DSG2: variants seen among roughly 807,000 people sequenced by gnomAD.
DSG2 encodes desmoglein-2.
DSG2 carries 45 observed loss-of-function variants against 75.6 expected under a neutral mutation model. That is an observed-to-expected ratio of 0.60 (90% CI 0.47 to 0.76). The LOEUF (loss-of-function observed/expected upper bound fraction) is 0.76. Ranked by LOEUF, DSG2 falls within the 30% of genes least tolerant of loss-of-function variation. DSG2 has a pLI of 0.00. For missense variants in DSG2, 1,267 were observed against 1,357.4 expected, an observed-to-expected ratio of 0.93 and a Z score of 1.05; for synonymous variants, 429 against 483.9, an observed-to-expected ratio of 0.89 and a Z score of 1.49.
Position 31,546,376 on chromosome 18 carries a change from G to A in DSG2, c.2990G>A (p.Gly997Asp), listed in dbSNP as rs1245395139. The A allele has an allele frequency of 6.2e-7, 1 of 1,614,096 alleles. No homozygotes were observed. The highest frequency in any genetic ancestry group is 1.7e-5 in the Admixed American group (1 of 60,014). ...GAAAGAGTAATACAGCCTCATGGGGGTGGATCGAATCCTCTGGAAGGCACT... is the reference window on the plus strand; with the variant it reads ...GAAAGAGTAATACAGCCTCATGGGGATGGATCGAATCCTCTGGAAGGCACT... ...VTERVIQPHG[G>D]GSNPLEGTQH... The change falls in exon 15 of 15, where the codon GGT becomes GAT. Residue 997 changes from glycine (G) to aspartate (D), a missense_variant. Physicochemically the swap from Gly to Asp is moderately conservative, Grantham distance 94. Coordinates refer to ENST00000261590, the MANE Select transcript of DSG2 (RefSeq NM_001943.5).
At chr18:31,507,071 T>A (rs936101231) in intron 1 of DSG2, among the ~76,000 whole-genome samples, 3 of 152,146 alleles carry the variant, frequency 2.0e-5, no homozygotes, top group Non-Finnish European at 4.4e-5. Flanking sequence ...GTACTATCCC[T>A]CCCCTACCCC....
At chr18:31,527,305 G>C (rs1230734685) in intron 8 of DSG2, among the ~76,000 whole-genome samples, 1 of 152,134 alleles carries the variant, frequency 6.6e-6, no homozygotes, top group Non-Finnish European at 1.5e-5. Context: ...TTACCATCTA[G>C]GTATGTGTGA....
chr18:31,526,769 T>A (rs1183652701), intron 8 of DSG2, among the ~76,000 whole-genome samples: 1 of 152,148 alleles, frequency 6.6e-6, no homozygotes, highest in Non-Finnish European at 1.5e-5. Context: ...CCCGTTAAAT[T>A]ATCATGGAGC....
rs762885186 is a variant in DSG2 at position 31,546,487 on chromosome 18, C to T, written c.3101C>T (p.Ala1034Val). The change falls in exon 15 of 15, where the codon GCC (alanine) becomes GTC (valine). Residue 1034 changes from alanine to valine, a missense_variant. By Grantham distance (64) the Ala-to-Val change is moderately conservative. Transcript: ENST00000261590. ...AGCTCAGGTGTGCAGCCTACTCTGG[C>T]CATGCCTAATATAGCAGTAGGACAG... The part of the protein sequence containing the change: ...APSSGVQPTL[A>V]MPNIAVGQNV... 4.3e-6 allele frequency: 7 copies of T among 1,614,112 alleles called. No homozygotes were observed. In the East Asian group the frequency reaches 6.7e-5, roughly 15 times the overall value.
At chr18:31,538,523 C>T (rs1197954230) in intron 11 of DSG2, among the ~76,000 whole-genome samples, 2 of 152,102 alleles carry the variant, frequency 1.3e-5, no homozygotes, top group Non-Finnish European at 2.9e-5. Flanking sequence ...TTGGTTACAG[C>T]TAATCATCAT....
chr18:31,507,843 T>C (rs1354686232), intron 1 of DSG2, among the ~76,000 whole-genome samples: 6 of 152,192 alleles, frequency 3.9e-5, no homozygotes, highest in African/African-American at 1.4e-4. Context: ...GTCAGATGGA[T>C]AGATTGCAAA....
chr18:31,544,193 C>G (rs1299176734), intron 14 of DSG2, among the ~76,000 whole-genome samples: 1 of 151,946 alleles, frequency 6.6e-6, no homozygotes, highest in Non-Finnish European at 1.5e-5. Context: ...TGACAGAACA[C>G]TCTATGCAAC....
chr18:31,536,172 T>C, intron 10 of DSG2, 30 bp from the exon 11 acceptor site: 1 of 1,604,710 alleles, frequency 6.2e-7, no homozygotes, highest in East Asian at 2.2e-5. Flanking sequence ...AGGAACAGAA[T>C]GTACATACTT....
chr18:31,506,463 A>G (rs890266653), intron 1 of DSG2, among the ~76,000 whole-genome samples: 4 of 152,228 alleles, frequency 2.6e-5, no homozygotes, highest in African/African-American at 9.6e-5. Context: ...TTTGAGACCA[A>G]TGAAACGCCT....
In DSG2 at chr18:31,531,054, A is replaced by G; in HGVS notation, c.1082A>G (p.His361Arg). 6.2e-7 allele frequency: 1 copy of G among 1,614,128 alleles called. No homozygotes were observed. The highest frequency in any genetic ancestry group is 8.5e-7 in the Non-Finnish European group (1 of 1,179,998). Residue 361 changes from histidine to arginine, a missense_variant, in exon 9 of 15, where the codon CAC becomes CGC. By Grantham distance (29) the His-to-Arg change is conservative. Coordinates refer to ENST00000261590, the MANE Select transcript of DSG2 (RefSeq NM_001943.5). ...ATTGTCGCTAATAAAGCAGCTTTTCACAAGTCGATTAGGAGTAAATACAAG... is the reference window on the plus strand; with the variant it reads ...ATTGTCGCTAATAAAGCAGCTTTTCGCAAGTCGATTAGGAGTAAATACAAG... ...SVIVANKAAF[H>R]KSIRSKYKPT...
At chr18:31,539,076 C>T in intron 12 of DSG2, 98 bp downstream of exon 12, 1 of 1,196,422 alleles carries the variant, frequency 8.4e-7, no homozygotes, top group East Asian at 2.3e-5. Context: ...CACAGTTATT[C>T]TTTAACCACA....
chr18:31,519,708 T>A, intron 2 of DSG2, 95 bp from the exon 3 acceptor site: 1 of 1,316,704 alleles, frequency 7.6e-7, no homozygotes, highest in Non-Finnish European at 1.1e-6. Flanking sequence ...CCTTAAAATT[T>A]GCACTATTTA....
intron 8 of DSG2, among the ~76,000 whole-genome samples, chr18:31,529,396 C>T (rs889484510): frequency 2.0e-5 from 3 of 152,128 alleles, no homozygotes; most frequent in African/African-American, 7.2e-5. Flanking sequence ...TTTTATTTCT[C>T]ATCCGGCATA....
At position 31,520,854 on chromosome 18, in the gene DSG2, A is replaced by T; in HGVS notation, c.268A>T (p.Thr90Ser). ...AGGACTCAAAATTACTTACAAATAC[A>T]CTGGAAAAGGGATTACAGAGCCACC... is the stretch of plus-strand genomic sequence containing the variant. Reference protein sequence around the residue: ...ERGLKITYKYTGKGITEPPFG... With the variant: ...ERGLKITYKYSGKGITEPPFG... Residue 90 changes from threonine to serine, a missense_variant, in exon 4 of 15, where the codon ACT becomes TCT. Transcript: ENST00000261590. 2 of 1,613,798 alleles carry T rather than the reference A, an allele frequency of 1.2e-6. No individual in the cohort carries two copies. The highest frequency in any genetic ancestry group is 1.7e-6 in the Non-Finnish European group (2 of 1,179,842).
chr18:31,518,793 G>A (rs58784862), intron 2 of DSG2, among the ~76,000 whole-genome samples: 2,785 of 151,748 alleles, frequency 0.018, 58 homozygotes, highest in African/African-American at 0.051. Context: ...CTATTACATA[G>A]AGCAACAAAA....
chr18:31,519,905 G>C lies in DSG2; in HGVS notation c.184G>C (p.Glu62Gln). 6.2e-7 allele frequency: 1 copy of C among 1,614,168 alleles called. No individual in the cohort carries two copies. Among genetic ancestry groups the C allele is most frequent in the Non-Finnish European group, 8.5e-7 (1 of 1,180,030 alleles). ...CGCCCCCGTGGCTCTTCGGGAGGGA[G>C]AGGATCTGTCCAAGAAGAATCCAAT... is the stretch of plus-strand genomic sequence containing the variant. The part of the protein sequence containing the change: ...ITAPVALREG[E>Q]DLSKKNPIAK... Residue 62 changes from glutamate to glutamine, a missense_variant, in exon 3 of 15, where the codon GAG (glutamate) becomes CAG (glutamine). By Grantham distance (29) the Glu-to-Gln change is conservative (BLOSUM62 2). Coordinates refer to ENST00000261590, the MANE Select transcript of DSG2 (RefSeq NM_001943.5).
chr18:31,518,369 T>C (rs1320085904), intron 2 of DSG2, 95 bp downstream of exon 2: 3 of 1,066,168 alleles, frequency 2.8e-6, no homozygotes, highest in Middle Eastern at 2.0e-4. Context: ...TGAAGACACA[T>C]GTTGTATTAG....
At chr18:31,537,479 C>T (rs1038981983) in intron 11 of DSG2, among the ~76,000 whole-genome samples, 4 of 151,898 alleles carry the variant, frequency 2.6e-5, no homozygotes, top group East Asian at 1.9e-4. Flanking sequence ...ATTAGCCGGG[C>T]GTGGTGGCAG....
intron 1 of DSG2, among the ~76,000 whole-genome samples, chr18:31,505,380 G>A (rs1043348340): frequency 3.9e-5 from 6 of 152,112 alleles, no homozygotes; most frequent in Non-Finnish European, 7.4e-5. Flanking sequence ...CCTTTTCTGA[G>A]TTCCCCAGAA....
Sources: gnomAD v4.1 joint callset for allele counts (sites outside exome capture counted in the v4.1 genomes callset) on GRCh38, gnomAD v4.1.1 for gene constraint, MANE v1.5 for transcripts, NCBI Gene and HGNC (gene_info 2026-07-23, HGNC 2026-07-21) for gene names.